The following FRMD4A variants were observed in gnomAD, a reference collection of about 807,000 sequenced individuals.
The protein encoded by FRMD4A is FERM domain containing 4A, also known as FERM domain-containing protein 4A.
FRMD4A carries 29 observed loss-of-function variants against 129.1 expected under a neutral mutation model. The ratio of observed to expected loss-of-function variants is 0.22; its 90% CI spans 0.17 to 0.31. The LOEUF is 0.31. FRMD4A is among the 10% of genes least tolerant of loss of function. The pLI is 1.00. For missense variants in FRMD4A, 1,272 were observed against 1,375.8 expected (o/e 0.92, Z 1.19); for synonymous variants, 634 against 571.6 (o/e 1.11, Z -1.56).
intron 2 of FRMD4A, among the ~76,000 whole-genome samples, chr10:14,091,797 G>A (rs540740126): frequency 6.6e-5 from 10 of 152,212 alleles, no homozygotes; most frequent in Non-Finnish European, 1.5e-4. Flanking sequence ...GAAACCAATA[G>A]AAGCTTGGCA....
chr10:13,864,137 A>G (rs1010538638), intron 2 of FRMD4A, among the ~76,000 whole-genome samples: 1 of 151,860 alleles, frequency 6.6e-6, no homozygotes, highest in Admixed American at 6.6e-5. Flanking sequence ...CTGGGATTAC[A>G]GGTGCCTGCC....
intron 2 of FRMD4A, among the ~76,000 whole-genome samples, chr10:14,181,440 C>T (rs1841910161): frequency 6.6e-6 from 1 of 152,162 alleles, no homozygotes; most frequent in Admixed American, 6.5e-5. Flanking sequence ...AGACAGGCAT[C>T]TGGGCGGAAG....
At chr10:13,699,224 GTTTTTTTT>G (rs1168489802) in intron 14 of FRMD4A, among the ~76,000 whole-genome samples, 4 of 76,272 alleles carry the variant, frequency 5.2e-5, no homozygotes, top group African/African-American at 2.1e-4. Context: ...CTTGGTTATT[GTTTTTTTT>G]TTTTTTTTTT....
Position 13,657,788 on chromosome 10 carries a change from GTTT to G in FRMD4A, c.2067-269_2067-267del, listed in dbSNP as rs10695622. Among the ~76,000 whole-genome samples, 374 of 143,336 alleles carry G rather than the reference GTTT, an allele frequency of 2.6e-3. 2 individuals are homozygous for G. The highest frequency in any genetic ancestry group is 7.4e-3 in the Middle Eastern group (2 of 270). The allele number at this position is 143,336 out of a possible 152,430, so 94.0% of individuals were successfully genotyped here. The stretch of plus-strand genomic sequence containing the variant: ...CTCACAGAAAGGTTTCGATTTCTGG[GTTT>G]TTTTTTTTTTTTAAATAATTCTATA... On this transcript the variant is annotated intron_variant, in intron 21 of 24. Transcript: ENST00000357447.
intron 2 of FRMD4A, among the ~76,000 whole-genome samples, chr10:14,058,498 C>T (rs1028397140): frequency 1.3e-5 from 2 of 152,104 alleles, no homozygotes; most frequent in Non-Finnish European, 2.9e-5. Flanking sequence ...ATCCATGTTA[C>T]CATTCATATG....
intron 2 of FRMD4A, among the ~76,000 whole-genome samples, chr10:13,974,736 A>C (rs946267851): frequency 2.6e-5 from 4 of 152,128 alleles, no homozygotes; most frequent in Non-Finnish European, 4.4e-5. Flanking sequence ...CACGTTGGCC[A>C]GGCTAGTCTT....
intron 2 of FRMD4A, among the ~76,000 whole-genome samples, chr10:14,269,856 C>A (rs1294912897): frequency 6.6e-6 from 1 of 152,178 alleles, no homozygotes; most frequent in Non-Finnish European, 1.5e-5. Flanking sequence ...CAGGACCGAA[C>A]CAGCCCCTCT....
intron 2 of FRMD4A, among the ~76,000 whole-genome samples, chr10:14,295,232 C>T (rs1380342164): frequency 1.3e-5 from 2 of 152,132 alleles, no homozygotes; most frequent in East Asian, 1.9e-4. Context: ...AAGCCACCTC[C>T]TGATTTCACT....
chr10:14,048,891 AGAATAGAAT>A, intron 2 of FRMD4A, among the ~76,000 whole-genome samples: 1 of 136,564 alleles, frequency 7.3e-6, no homozygotes, highest in Non-Finnish European at 1.5e-5. Context: ...AGAATAGAAT[AGAATAGAAT>A]AGAAAATAAA....
At chr10:14,329,994 C>T in intron 2 of FRMD4A, 64 bp downstream of exon 2, 1 of 1,455,226 alleles carries the variant, frequency 6.9e-7, no homozygotes, top group Non-Finnish European at 9.4e-7. Context: ...GCAGCAGCAG[C>T]CCACGGTGCA....
At chr10:14,219,614 G>A (rs780807963) in intron 2 of FRMD4A, among the ~76,000 whole-genome samples, 7 of 152,086 alleles carry the variant, frequency 4.6e-5, no homozygotes, top group East Asian at 1.9e-4. Flanking sequence ...CACAGTGCTC[G>A]GTGTGATCCT....
intron 16 of FRMD4A, among the ~76,000 whole-genome samples, chr10:13,671,830 C>T (rs2083533563): frequency 6.6e-6 from 1 of 152,270 alleles, no homozygotes; most frequent in African/African-American, 2.4e-5. Context: ...TGGGCACTTC[C>T]AGGCCAAGCC....
chr10:13,772,719 A>T (rs989768451), intron 6 of FRMD4A, among the ~76,000 whole-genome samples: 1 of 152,300 alleles, frequency 6.6e-6, no homozygotes, highest in South Asian at 2.1e-4. Context: ...GACAAAGTTC[A>T]TATTTTCTCA....
chr10:13,693,711 T>C, intron 15 of FRMD4A, 187 bp downstream of exon 15: 1 of 697,774 alleles, frequency 1.4e-6, no homozygotes, highest in South Asian at 1.5e-5. Flanking sequence ...TCCCTTCCAC[T>C]ATTTGATTCC....
At chr10:13,945,046 C>T (rs1394617917) in intron 2 of FRMD4A, among the ~76,000 whole-genome samples, 1 of 152,158 alleles carries the variant, frequency 6.6e-6, no homozygotes, top group East Asian at 1.9e-4. Flanking sequence ...TCCGGTCTCT[C>T]CACCAGCAAC....
At chr10:14,040,492 C>T (rs764707955) in intron 2 of FRMD4A, among the ~76,000 whole-genome samples, 10 of 151,866 alleles carry the variant, frequency 6.6e-5, no homozygotes, top group Non-Finnish European at 1.2e-4. Context: ...AATGTTCTTG[C>T]AAAAAAACAG....
intron 2 of FRMD4A, among the ~76,000 whole-genome samples, chr10:14,306,307 A>G (rs1564453869): frequency 6.6e-6 from 1 of 152,258 alleles, no homozygotes; most frequent in Non-Finnish European, 1.5e-5. Context: ...AATAGAAAAG[A>G]GGAAGGAACG....
intron 2 of FRMD4A, among the ~76,000 whole-genome samples, chr10:14,293,215 C>G (rs1431633056): frequency 6.6e-6 from 1 of 152,150 alleles, no homozygotes; most frequent in East Asian, 1.9e-4. Context: ...ATATTATTAT[C>G]ATGGGAGTCA....
At chr10:13,859,409 C>A (rs1392014703) in intron 2 of FRMD4A, among the ~76,000 whole-genome samples, 1 of 152,116 alleles carries the variant, frequency 6.6e-6, no homozygotes, top group Non-Finnish European at 1.5e-5. Context: ...ATCAATTGAG[C>A]ACTTTCTATA....
Sources: gnomAD v4.1 joint callset for allele counts (sites outside exome capture counted in the v4.1 genomes callset) on GRCh38, gnomAD v4.1.1 for gene constraint, MANE v1.5 for transcripts, NCBI Gene and HGNC (gene_info 2026-07-23, HGNC 2026-07-21) for gene names.